VTI1A: variants seen among roughly 807,000 people sequenced by gnomAD.
The protein encoded by VTI1A is vesicle transport through interaction with t-SNAREs homolog 1A.
Under a neutral mutation model 34.9 loss-of-function variants are expected in VTI1A, and 22 were observed. That is an observed-to-expected ratio of 0.63 (90% CI 0.45 to 0.90). The LOEUF (loss-of-function observed/expected upper bound fraction) is 0.90, where lower values mean the gene tolerates loss of function less well. Among genes scored for constraint, VTI1A ranks in the 40% least tolerant of loss-of-function variants. The pLI, the probability that VTI1A is intolerant of heterozygous loss-of-function variation, is 0.00. For synonymous variants in VTI1A, 87 were observed against 97.3 expected, an observed-to-expected ratio of 0.89 and a Z score of 0.62; for missense variants, 268 against 275.6, an observed-to-expected ratio of 0.97 and a Z score of 0.20.
At chr10:112,514,464 AT>A (rs902286634) in intron 3 of VTI1A, among the ~76,000 whole-genome samples, 5 of 150,594 alleles carry the variant, frequency 3.3e-5, no homozygotes, top group Non-Finnish European at 5.9e-5. Flanking sequence ...GGTATCATTG[AT>A]TTTTTTCTAT....
intron 3 of VTI1A, among the ~76,000 whole-genome samples, chr10:112,469,461 A>G (rs568076822): frequency 5.3e-5 from 8 of 152,328 alleles, no homozygotes; most frequent in African/African-American, 1.4e-4. Context: ...TGTGGACATG[A>G]TATTGCTCCT....
intron 5 of VTI1A, among the ~76,000 whole-genome samples, chr10:112,609,873 A>AAATGGCTCCGTCCAGAATGGTACTCTG (rs1845226482): frequency 6.6e-6 from 1 of 152,190 alleles, no homozygotes; most frequent in Admixed American, 6.5e-5. Context: ...GCCCTTAGGC[A>AAATGGCTCCGTCCAGAATGGTACTCTG]AATGGCTCCG....
chr10:112,594,125 A>AT (rs971905820), intron 5 of VTI1A, among the ~76,000 whole-genome samples: 15 of 152,000 alleles, frequency 9.9e-5, no homozygotes, highest in African/African-American at 3.6e-4. Context: ...GTTAGCCAGG[A>AT]TGGTCTCGAT....
chr10:112,701,242 CCAGATGCAGAAACCAA>C (rs1848998338), intron 7 of VTI1A, among the ~76,000 whole-genome samples: 1 of 152,030 alleles, frequency 6.6e-6, no homozygotes, highest in East Asian at 1.9e-4. Context: ...TGGTTTGGAC[CCAGATGCAGAAACCAA>C]CAACTAGACC....
Position 112,546,077 on chromosome 10 carries a change from C to T in VTI1A, c.427+7747C>T, listed in dbSNP as rs926774699. On this transcript the variant is annotated intron_variant, in intron 5 of 7. Transcript: ENST00000393077. ...GTATACGCGTATGTGTGTGTATATA[C>T]GTGTATACGCGTATGTGTGTATATA... 7.6e-5 allele frequency among the ~76,000 whole-genome samples: 11 copies of T among 144,822 alleles called. 1 individual carries two copies. The highest frequency in any genetic ancestry group is 2.6e-4 in the African/African-American group (10 of 38,014).
intron 7 of VTI1A, among the ~76,000 whole-genome samples, chr10:112,805,009 C>T (rs953601314): frequency 1.3e-5 from 2 of 151,656 alleles, no homozygotes; most frequent in African/African-American, 4.8e-5. Context: ...TAAAGGTGTG[C>T]CCCACCACGC....
chr10:112,452,744 T>G (rs543078931), intron 1 of VTI1A, among the ~76,000 whole-genome samples: 10 of 151,926 alleles, frequency 6.6e-5, no homozygotes, highest in South Asian at 2.1e-4. Context: ...TTTTGTTTTT[T>G]TTTTTTAAAT....
chr10:112,807,651 C>T (rs146072633), intron 7 of VTI1A, among the ~76,000 whole-genome samples: 5,146 of 152,008 alleles, frequency 0.034, 88 homozygotes, highest in Non-Finnish European at 0.039. Context: ...GTCAGGAGTT[C>T]GAAACTAGCC....
At chr10:112,497,462 A>G (rs1317893060) in intron 3 of VTI1A, among the ~76,000 whole-genome samples, 1 of 152,194 alleles carries the variant, frequency 6.6e-6, no homozygotes, top group East Asian at 1.9e-4. Flanking sequence ...TATCTGTAAA[A>G]TGGAAATAAT....
At chr10:112,822,895 A>G (rs1003601716), downstream of VTI1A, among the ~76,000 whole-genome samples, 3 of 152,188 alleles carry the variant, frequency 2.0e-5, no homozygotes, top group Admixed American at 6.5e-5. Context: ...ACACATGGTG[A>G]AGAAGATAGA....
chr10:112,828,698 C>T, the VTI1A span, among the ~76,000 whole-genome samples: 5 of 151,944 alleles, frequency 3.3e-5, no homozygotes, highest in Non-Finnish European at 7.4e-5. Context: ...AGCCACCCAC[C>T]CGGCCTAAAA....
chr10:112,518,567 CTCTCTCTCTCTCTCTCTCTCTCTA>C (rs1849873952), intron 3 of VTI1A, among the ~76,000 whole-genome samples: 1 of 119,968 alleles, frequency 8.3e-6, no homozygotes, highest in African/African-American at 3.0e-5. Flanking sequence ...CTCTCTCTCT[CTCTCTCTCTCTCTCTCTCTCTCTA>C]TATATATATA....
chr10:112,851,740 G>C, the VTI1A span, among the ~76,000 whole-genome samples: 129 of 152,274 alleles, frequency 8.5e-4, no homozygotes, highest in African/African-American at 2.9e-3. Flanking sequence ...TCTGAACTAG[G>C]GAGACGCATT....
chr10:112,460,966 A>G (rs1393350103), intron 2 of VTI1A, among the ~76,000 whole-genome samples: 1 of 152,214 alleles, frequency 6.6e-6, no homozygotes, highest in Non-Finnish European at 1.5e-5. Flanking sequence ...AAAGGGTCTG[A>G]TATTTTCTGC....
intron 7 of VTI1A, among the ~76,000 whole-genome samples, chr10:112,761,554 A>G (rs1438467000): frequency 2.0e-5 from 3 of 152,116 alleles, no homozygotes; most frequent in Non-Finnish European, 4.4e-5. Flanking sequence ...ATAATGCCAC[A>G]TTTTCTTTTA....
chr10:112,742,103 C>A (rs1043194141), intron 7 of VTI1A, among the ~76,000 whole-genome samples: 1 of 152,160 alleles, frequency 6.6e-6, no homozygotes, highest in African/African-American at 2.4e-5. Context: ...GTAGTTTGAT[C>A]TAAAGAAAAA....
intron 5 of VTI1A, among the ~76,000 whole-genome samples, chr10:112,576,367 C>A: frequency 6.6e-6 from 1 of 152,224 alleles, no homozygotes; most frequent in East Asian, 1.9e-4. Context: ...AAAATATTTG[C>A]TGTTTTAGCA....
At chr10:112,840,521 T>C in the VTI1A span, among the ~76,000 whole-genome samples, 1 of 152,222 alleles carries the variant, frequency 6.6e-6, no homozygotes, top group East Asian at 1.9e-4. Flanking sequence ...TGCTATCATT[T>C]ATTTCCACAA....
chr10:112,488,086 C>T (rs184275523), intron 3 of VTI1A, among the ~76,000 whole-genome samples: 1 of 152,246 alleles, frequency 6.6e-6, no homozygotes, highest in East Asian at 1.9e-4. Context: ...GTGGTAGTGT[C>T]AGAATACATA....
Sources: allele counts gnomAD v4.1 joint callset (sites outside exome capture counted in the v4.1 genomes callset), GRCh38; gene constraint gnomAD v4.1.1; transcripts MANE v1.5; gene names NCBI Gene and HGNC (gene_info 2026-07-23, HGNC 2026-07-21).